RAP1A: variants seen among roughly 807,000 people sequenced by gnomAD.
The protein encoded by RAP1A is ras-related protein Rap-1A.
A neutral mutation model predicts 26.4 loss-of-function variants in RAP1A; 6 were observed. That is an observed-to-expected ratio of 0.23 (90% confidence interval 0.12 to 0.45). The LOEUF is 0.45. RAP1A is among the 20% of genes least tolerant of loss of function. RAP1A has a pLI of 0.99. For missense variants in RAP1A, 121 were observed against 217.2 expected (o/e 0.56, Z 2.78); for synonymous variants, 73 against 79.4 (o/e 0.92, Z 0.43).
At chr1:111,630,893 G>A (rs1243215162) in intron 1 of RAP1A, among the ~76,000 whole-genome samples, 1 of 152,130 alleles carries the variant, frequency 6.6e-6, no homozygotes, top group African/African-American at 2.4e-5. Flanking sequence ...TTTGAAGATG[G>A]TGTTACTAAT....
At chr1:111,640,878 C>T (rs1386861649) in intron 1 of RAP1A, among the ~76,000 whole-genome samples, 2 of 151,994 alleles carry the variant, frequency 1.3e-5, no homozygotes, top group African/African-American at 2.4e-5. Flanking sequence ...GTGGGAGGAT[C>T]GCTTGAGCAT....
intron 1 of RAP1A, among the ~76,000 whole-genome samples, chr1:111,554,586 G>A (rs991182839): frequency 6.6e-6 from 1 of 152,172 alleles, no homozygotes; most frequent in Non-Finnish European, 1.5e-5. Flanking sequence ...GGATTGCAAA[G>A]GATCATATGC....
chr1:111,713,252 G>A lies in RAP1A; in HGVS notation c.*851G>A. 6.6e-6 allele frequency: 1 copy of A among 152,202 alleles called. No homozygotes were observed. Among genetic ancestry groups the A allele is most frequent in the South Asian group, 2.1e-4 (1 of 4,826 alleles). The allele number at this position is 152,202 out of a possible 1,614,324, so 9.4% of individuals were successfully genotyped here. On this transcript the variant is annotated 3_prime_UTR_variant, in exon 8 of 8. Coordinates refer to ENST00000369709, the MANE Select transcript of RAP1A (RefSeq NM_002884.4). The stretch of plus-strand genomic sequence containing the variant: ...GGCTTTAAACTATACTAAGTAACTG[G>A]TGATTTCTCTAGGAACAGACCTCGC...
At chr1:111,578,461 C>T (rs998087138) in intron 1 of RAP1A, among the ~76,000 whole-genome samples, 1 of 150,824 alleles carries the variant, frequency 6.6e-6, no homozygotes, top group Admixed American at 6.6e-5. Context: ...AAAATTTTTT[C>T]TCTAGTTGCA....
chr1:111,698,690 TA>T (rs1197471574), intron 4 of RAP1A, among the ~76,000 whole-genome samples: 1 of 152,246 alleles, frequency 6.6e-6, no homozygotes, highest in African/African-American at 2.4e-5. Flanking sequence ...GGAGTGATTT[TA>T]TACAACAATA....
At position 111,571,992 on chromosome 1, in the gene RAP1A, G is replaced by A. The variant is rs1452842321; in HGVS notation, c.-28+29483G>A. 2.1e-5 allele frequency among the ~76,000 whole-genome samples: 3 copies of A among 145,222 alleles called. No homozygotes were observed. The South Asian group carries it at 6.8e-4, about 33-fold the overall frequency. ...TTGTGAGCTAACAGAATGACAGAAA[G>A]CAGGGGCTGCAGCACAGTGCCCTTG... On this transcript the variant is annotated intron_variant, in intron 1 of 7. Coordinates refer to the RAP1A transcript ENST00000356415.
In RAP1A at chr1:111,561,099, C is replaced by T. The variant is rs116840351; in HGVS notation, c.-28+18590C>T. Among the ~76,000 whole-genome samples, 1,184 of 152,152 alleles carry T rather than the reference C, an allele frequency of 7.8e-3. 11 individuals are homozygous for T. The highest frequency in any genetic ancestry group is 0.012 in the South Asian group (60 of 4,816). The stretch of plus-strand genomic sequence containing the variant: ...AATAGGACTTTCCATCTTCAAAGCT[C>T]CTCCCTACACAATTTTGTTTGTTGG... On this transcript the variant is annotated intron_variant, in intron 1 of 7. Transcript: ENST00000356415.
At chr1:111,567,168 G>A (rs968817568) in intron 1 of RAP1A, among the ~76,000 whole-genome samples, 3 of 152,034 alleles carry the variant, frequency 2.0e-5, no homozygotes, top group Admixed American at 2.0e-4. Flanking sequence ...AGATAAATAG[G>A]TCATTGTAGA....
chr1:111,686,533 AAAAG>A (rs1184568635), intron 1 of RAP1A: 2 of 151,906 alleles, frequency 1.3e-5, no homozygotes, highest in African/African-American at 4.8e-5. Context: ...AAGAAAAAGA[AAAAG>A]AAAATTACCC....
chr1:111,649,462 G>A (rs932851224), intron 1 of RAP1A: 12 of 329,718 alleles, frequency 3.6e-5, no homozygotes, highest in Admixed American at 2.9e-4. Context: ...CTGGATAGAC[G>A]CTGGCCAGGC....
chr1:111,566,576 C>T (rs1361445027), intron 1 of RAP1A, among the ~76,000 whole-genome samples: 1 of 152,186 alleles, frequency 6.6e-6, no homozygotes, highest in East Asian at 1.9e-4. Flanking sequence ...TGGAATTTCA[C>T]CTGGGCATCT....
rs114069583 is a variant in RAP1A, at chr1:111,648,593, G to C, written c.-28+28659G>C. ...TTAGCTGCTCCATCTGCAGGAAGTA[G>C]AGGGCCTCCACCTCCCTCAGTCTGT... On this transcript the variant is annotated intron_variant, in intron 1 of 7. Transcript: ENST00000369709. 1,111 of 532,012 alleles carry C rather than the reference G, an allele frequency of 2.1e-3. 12 individuals are homozygous for C. Among genetic ancestry groups the C allele is most frequent in the African/African-American group, 0.018 (963 of 52,620 alleles). 33.0% of individuals were successfully genotyped at this position (532,012 alleles called of 1,614,324 possible). A position where few individuals can be genotyped will look rare whatever the true frequency, so the allele number is the denominator to read the frequency against.
chr1:111,681,838 A>G (rs779378353), intron 1 of RAP1A, among the ~76,000 whole-genome samples: 7 of 152,220 alleles, frequency 4.6e-5, no homozygotes, highest in Non-Finnish European at 7.4e-5. Context: ...TTCAGGAAAT[A>G]CAGAGAACAT....
intron 7 of RAP1A, among the ~76,000 whole-genome samples, chr1:111,711,517 A>T (rs1228610506): frequency 6.6e-6 from 1 of 152,202 alleles, no homozygotes; most frequent in Non-Finnish European, 1.5e-5. Flanking sequence ...TTGCTTGCAT[A>T]AATTCTTAGA....
chr1:111,651,669 G>A (rs1481501943), intron 1 of RAP1A, among the ~76,000 whole-genome samples: 1 of 151,836 alleles, frequency 6.6e-6, no homozygotes, highest in Admixed American at 6.5e-5. Context: ...TAGAGATAGG[G>A]TTTCGCCATG....
At chr1:111,630,143 G>T (rs1274567119) in intron 1 of RAP1A, among the ~76,000 whole-genome samples, 1 of 152,114 alleles carries the variant, frequency 6.6e-6, no homozygotes, top group African/African-American at 2.4e-5. Flanking sequence ...TTTACATGAG[G>T]TGAAATACGA....
intron 1 of RAP1A, among the ~76,000 whole-genome samples, chr1:111,567,781 C>T (rs1461009930): frequency 3.9e-5 from 6 of 152,246 alleles, no homozygotes; most frequent in African/African-American, 1.4e-4. Flanking sequence ...CTTGCCAGAA[C>T]ATACTGACAA....
chr1:111,614,306 G>C (rs1228927095), intron 1 of RAP1A, among the ~76,000 whole-genome samples: 2 of 152,174 alleles, frequency 1.3e-5, no homozygotes, highest in African/African-American at 2.4e-5. Context: ...TTTTTATCAT[G>C]GGCCCTTCCT....
rs954790896 is a variant in RAP1A at position 111,613,353 on chromosome 1, C to A, written c.-28+70844C>A. Among the ~76,000 whole-genome samples, 2 of 152,084 alleles carry A rather than the reference C, an allele frequency of 1.3e-5. 1 individual carries two copies. Among genetic ancestry groups the A allele is most frequent in the South Asian group, 4.1e-4 (2 of 4,834 alleles). On this transcript the variant is annotated intron_variant, in intron 1 of 7. Coordinates refer to the RAP1A transcript ENST00000356415. ...TAGCTGGGACTACAGGCGCCCGCCA[C>A]CATGCCCGGCTAATGTTTTGTATTT...
Sources: gnomAD v4.1 joint callset for allele counts (sites outside exome capture counted in the v4.1 genomes callset) on GRCh38, gnomAD v4.1.1 for gene constraint, MANE v1.5 for transcripts, NCBI Gene and HGNC (gene_info 2026-07-23, HGNC 2026-07-21) for gene names.